The following ZNF844 variants were observed in gnomAD, a reference collection of about 807,000 sequenced individuals.
ZNF844 encodes the protein zinc finger protein 844.
ZNF844 carries 11 observed loss-of-function variants against 11.4 expected under a neutral mutation model. The ratio of observed to expected loss-of-function variants is 0.97; its 90% CI spans 0.61 to 1.60. ZNF844 has a LOEUF of 1.60. Ranked by LOEUF, ZNF844 falls within the 40% of genes most tolerant of loss-of-function variation. ZNF844 has a pLI of 0.00. For synonymous variants in ZNF844, 248 were observed against 260.3 expected, an observed-to-expected ratio of 0.95 and a Z score of 0.46; for missense variants, 790 against 796.8, an observed-to-expected ratio of 0.99 and a Z score of 0.10.
At chr19:12,073,272 G>C (rs962449086) in intron 1 of ZNF844, among the ~76,000 whole-genome samples, 2 of 151,888 alleles carry the variant, frequency 1.3e-5, no homozygotes, top group African/African-American at 4.8e-5. Flanking sequence ...CAATTCTCCT[G>C]CCTCAGCCTC....
rs574725990 is a variant in ZNF844, at chr19:12,064,985, A to G, written c.3+109A>G. 1.6e-4 allele frequency: 203 copies of G among 1,254,060 alleles called. 2 individuals are homozygous for G. In the South Asian group the frequency reaches 1.9e-3, roughly 12 times the overall value. 77.7% of individuals were successfully genotyped at this position (1,254,060 alleles called of 1,614,324 possible). ...CCGGGACCCGGACCTCCCCGCGGCGACTCGAGGTCTGGGGCCCGAGCCCCG... is the reference window on the plus strand; with the variant it reads ...CCGGGACCCGGACCTCCCCGCGGCGGCTCGAGGTCTGGGGCCCGAGCCCCG... On this transcript the variant is annotated intron_variant, in intron 1 of 3. Transcript: ENST00000439326.
intron 1 of ZNF844, among the ~76,000 whole-genome samples, chr19:12,067,628 A>ATTT (rs1975704001): frequency 7.2e-6 from 1 of 138,110 alleles, no homozygotes. Flanking sequence ...AAAAAAAAAA[A>ATTT]AAAAAAGGCC....
At chr19:12,066,540 T>G (rs1975690532) in intron 1 of ZNF844, among the ~76,000 whole-genome samples, 1 of 142,852 alleles carries the variant, frequency 7.0e-6, no homozygotes, top group African/African-American at 2.6e-5. Context: ...CTTTTTTTTT[T>G]TTTTTTTTTT....
rs947318082 is a variant in ZNF844 at position 12,077,703 on chromosome 19, G to A, written c.*582G>A. The A allele has an allele frequency of 1.5e-5, 7 of 466,516 alleles. No individual in the cohort carries two copies. Among genetic ancestry groups the A allele is most frequent in the African/African-American group, 4.0e-5 (2 of 49,468 alleles). 28.9% of individuals were successfully genotyped at this position (466,516 alleles called of 1,614,324 possible). On this transcript the variant is annotated 3_prime_UTR_variant, in exon 4 of 4. Transcript: ENST00000439326. ...TCTGGTGCATGAAAGGACTCACACT[G>A]TAGAGCAACCCTATGAATATAAGCA...
chr19:12,080,164 C>T lies in ZNF844; in HGVS notation c.*3043C>T, dbSNP rs1358840913. ...GAGATCAAGACCATCCTGGCTGACA[C>T]GGTGAAACCCCGTCTCTACTAAAAA... On this transcript the variant is annotated 3_prime_UTR_variant, in exon 4 of 4. Coordinates refer to ENST00000439326, the MANE Select transcript of ZNF844 (RefSeq NM_001136501.3). The T allele has an allele frequency of 4.9e-5, 9 of 183,696 alleles. No individual in the cohort carries two copies. The highest frequency in any genetic ancestry group is 9.6e-5 in the African/African-American group (4 of 41,528). 11.4% of individuals were successfully genotyped at this position (183,696 alleles called of 1,614,324 possible). A position where few individuals can be genotyped will look rare whatever the true frequency, so the allele number is the denominator to read the frequency against.
chr19:12,065,210 C>G (rs945230878), intron 1 of ZNF844, among the ~76,000 whole-genome samples: 2 of 152,124 alleles, frequency 1.3e-5, no homozygotes, highest in Admixed American at 1.3e-4. Context: ...GCAATCCCGC[C>G]TTGGGTGTGG....
chr19:12,067,986 A>AGG (rs1975712172), intron 1 of ZNF844, among the ~76,000 whole-genome samples: 10 of 150,488 alleles, frequency 6.6e-5, no homozygotes, highest in Non-Finnish European at 1.3e-4. Flanking sequence ...GAAGGAAGGA[A>AGG]AGAAAATTAA....
At chr19:12,065,019 G>T (rs1975672347) in intron 1 of ZNF844, 143 bp downstream of exon 1, 3 of 908,714 alleles carry the variant, frequency 3.3e-6, no homozygotes, top group Non-Finnish European at 4.7e-6. Context: ...CGCTGGCGCA[G>T]CTCGGCCTTC....
chr19:12,076,104 A>G lies in ZNF844; in HGVS notation c.984A>G (p.Glu328=). The G allele has an allele frequency of 6.4e-7, 1 of 1,567,956 alleles. No homozygotes were observed. The highest frequency in any genetic ancestry group is 8.7e-7 in the Non-Finnish European group (1 of 1,155,470). The change falls in exon 4 of 4, where the codon GAA becomes GAG. Residue 328 remains glutamate (E), a synonymous_variant. Coordinates refer to ENST00000439326, the MANE Select transcript of ZNF844 (RefSeq NM_001136501.3). The part of the protein sequence containing the change: ...FKCPSYLCRH[E]VTHSGKKPCE... Reference sequence around the variant, plus strand: ...GTCCCAGTTATCTTTGTAGACATGAAGTGACCCACTCTGGGAAAAAGCCCT... The same window carrying G: ...GTCCCAGTTATCTTTGTAGACATGAGGTGACCCACTCTGGGAAAAAGCCCT...
In ZNF844 at chr19:12,067,106, A is replaced by G. The variant is rs527970809; in HGVS notation, c.3+2230A>G. Among the ~76,000 whole-genome samples the G allele has an allele frequency of 1.4e-4, 22 of 152,240 alleles. No individual in the cohort carries two copies. The East Asian group carries it at 4.3e-3, about 30-fold the overall frequency. On this transcript the variant is annotated intron_variant, in intron 1 of 3. Transcript: ENST00000439326. ...TCCCAGCTACTCCGGAGGCTGAGGC[A>G]GGAGAATCACTTGAACCCGGGAGGT...
chr19:12,066,317 C>T (rs1383937294), intron 1 of ZNF844, among the ~76,000 whole-genome samples: 10 of 151,622 alleles, frequency 6.6e-5, no homozygotes, highest in Non-Finnish European at 1.5e-4. Flanking sequence ...GGTTGGTGGG[C>T]CTGAGTGGAG....
At chr19:12,071,189 T>C (rs990021491) in intron 1 of ZNF844, among the ~76,000 whole-genome samples, 2 of 152,158 alleles carry the variant, frequency 1.3e-5, no homozygotes, top group Admixed American at 6.6e-5. Context: ...TGGACATCAT[T>C]ATCAATCATG....
chr19:12,066,439 C>G (rs1975688881), intron 1 of ZNF844, among the ~76,000 whole-genome samples: 1 of 151,760 alleles, frequency 6.6e-6, no homozygotes, highest in Non-Finnish European at 1.5e-5. Context: ...CACTCTGTTC[C>G]CCCCGCCCCG....
rs1975797761 is a variant in ZNF844, at chr19:12,075,486, T to G, written c.366T>G (p.Ile122Met). Reference protein sequence around the residue: ...FVGHSSLNRHIRADTAHKPSE... With the variant: ...FVGHSSLNRHMRADTAHKPSE... ...GTCATTCTTCCCTTAATAGGCACAT[T>G]AGAGCTGACACTGCACACAAGCCGT... Residue 122 changes from isoleucine (I) to methionine (M), a missense_variant, in exon 4 of 4, where the codon ATT (isoleucine) becomes ATG (methionine). Physicochemically the swap from Ile to Met is conservative, Grantham distance 10. This residue lies in a region of ZNF844 where 129 missense variants were observed against 144.0 expected (regional missense o/e 0.90). Transcript: ENST00000439326. The G allele has an allele frequency of 1.2e-6, 2 of 1,613,498 alleles. No homozygotes were observed. Among genetic ancestry groups the G allele is most frequent in the East Asian group, 2.2e-5 (1 of 44,812 alleles).
At position 12,076,663 on chromosome 19, in the gene ZNF844, C is replaced by G; in HGVS notation, c.1543C>G (p.Leu515Val). ...AAGCAATGTGGGAAAGCCTTCACATCTGCCTCACACCTTCAAATGCATGAA... is the reference window on the plus strand; with the variant it reads ...AAGCAATGTGGGAAAGCCTTCACATGTGCCTCACACCTTCAAATGCATGAA... ...SVSNVGKPSHLPHTFKCMKGL... is the reference protein window; with the variant it reads ...SVSNVGKPSHVPHTFKCMKGL... Residue 515 changes from leucine (L) to valine (V), a missense_variant, in exon 4 of 4, where the codon CTG becomes GTG. Physicochemically the swap from Leu to Val is conservative, Grantham distance 32. This residue lies in a region of ZNF844 where 657 missense variants were observed against 636.2 expected (regional missense o/e 1.03). Coordinates refer to ENST00000439326, the MANE Select transcript of ZNF844 (RefSeq NM_001136501.3). 6.2e-7 allele frequency: 1 copy of G among 1,613,654 alleles called. No individual in the cohort carries two copies. The highest frequency in any genetic ancestry group is 2.2e-5 in the East Asian group (1 of 44,764).
intron 1 of ZNF844, among the ~76,000 whole-genome samples, chr19:12,069,308 G>C (rs140000174): frequency 0.012 from 1,795 of 148,478 alleles, 25 homozygotes; most frequent in Admixed American, 0.044. Context: ...TCAGCCTCCT[G>C]AGTAGCTGGG....
chr19:12,066,437 TC>T (rs1450491622), intron 1 of ZNF844, among the ~76,000 whole-genome samples: 1 of 150,974 alleles, frequency 6.6e-6, no homozygotes, highest in African/African-American at 2.4e-5. Flanking sequence ...CCCACTCTGT[TC>T]CCCCCGCCCC....
At chr19:12,065,543 C>T (rs1975678736) in intron 1 of ZNF844, among the ~76,000 whole-genome samples, 1 of 151,974 alleles carries the variant, frequency 6.6e-6, no homozygotes, top group Admixed American at 6.6e-5. Context: ...AGATGGACCA[C>T]GCAACGCCGA....
rs1161373537 is a variant in ZNF844 at position 12,075,686 on chromosome 19, T to A, written c.566T>A (p.Ile189Lys). 6.2e-7 allele frequency: 1 copy of A among 1,613,312 alleles called. No individual in the cohort carries two copies. The highest frequency in any genetic ancestry group is 1.7e-5 in the Admixed American group (1 of 59,816). The change falls in exon 4 of 4, where the codon ATA becomes AAA. Residue 189 changes from isoleucine to lysine, a missense_variant. Transcript: ENST00000439326. ...ISHSSIQRHM[I>K]MHNGDGTYKC... ...CATTCAAGCATTCAAAGACACATGATAATGCACAATGGAGATGGAACTTAT... is the reference window on the plus strand; with the variant it reads ...CATTCAAGCATTCAAAGACACATGAAAATGCACAATGGAGATGGAACTTAT...
Sources: allele counts gnomAD v4.1 joint callset (sites outside exome capture counted in the v4.1 genomes callset), GRCh38; gene constraint gnomAD v4.1.1; regional missense constraint gnomAD v4.1.1; transcripts MANE v1.5; gene names NCBI Gene and HGNC (gene_info 2026-07-23, HGNC 2026-07-21).